The following MGAT4C variants were observed in gnomAD, a reference collection of about 807,000 sequenced individuals.
MGAT4C encodes the protein alpha-1,3-mannosyl-glycoprotein 4-beta-N-acetylglucosaminyltransferase C.
A neutral mutation model predicts 40.1 loss-of-function variants in MGAT4C; 19 were observed. The observed-to-expected ratio is 0.47, with a 90% CI of 0.33 to 0.70. The LOEUF is 0.70. Ranked by LOEUF, MGAT4C falls within the 30% of genes least tolerant of loss-of-function variation. The pLI, the probability that MGAT4C is intolerant of heterozygous loss-of-function variation, is 0.02. For synonymous variants in MGAT4C, 181 were observed against 187.1 expected (o/e 0.97, Z 0.27); for missense variants, 491 against 563.2 (o/e 0.87, Z 1.30).
intron 1 of MGAT4C, among the ~76,000 whole-genome samples, chr12:86,072,601 G>T (rs1204379218): frequency 6.6e-6 from 1 of 152,100 alleles, no homozygotes; most frequent in Admixed American, 6.6e-5. Context: ...GCAAAGGATA[G>T]ATGAAAGGAT....
At chr12:86,000,967 T>G (rs1887228049) in intron 2 of MGAT4C, among the ~76,000 whole-genome samples, 1 of 152,186 alleles carries the variant, frequency 6.6e-6, no homozygotes, top group African/African-American at 2.4e-5. Context: ...ATCACTAGTT[T>G]GGATTATTCC....
intron 3 of MGAT4C, among the ~76,000 whole-genome samples, chr12:86,353,595 T>C (rs1955229847): frequency 6.6e-6 from 1 of 152,148 alleles, no homozygotes; most frequent in Non-Finnish European, 1.5e-5. Flanking sequence ...CTTTTTACTC[T>C]CCAAGGTCTG....
chr12:86,554,918 C>T (rs1959537003), intron 2 of MGAT4C, among the ~76,000 whole-genome samples: 1 of 152,086 alleles, frequency 6.6e-6, no homozygotes, highest in Non-Finnish European at 1.5e-5. Context: ...CATTTCTTTG[C>T]TTTTTCCTGC....
At chr12:86,011,023 A>G (rs879552778) in intron 2 of MGAT4C, among the ~76,000 whole-genome samples, 7 of 152,216 alleles carry the variant, frequency 4.6e-5, no homozygotes, top group Non-Finnish European at 8.8e-5. Flanking sequence ...CCCAGACTTC[A>G]GAACTGTAGA....
At chr12:86,032,533 CAT>C (rs1555209778) in intron 2 of MGAT4C, among the ~76,000 whole-genome samples, 6 of 149,640 alleles carry the variant, frequency 4.0e-5, no homozygotes, top group Non-Finnish European at 9.0e-5. Context: ...AGCATTTTTT[CAT>C]ATGTTTGTTG....
At chr12:86,045,376 A>ACTG (rs1216596007) in intron 2 of MGAT4C, among the ~76,000 whole-genome samples, 1 of 152,150 alleles carries the variant, frequency 6.6e-6, no homozygotes, top group Admixed American at 6.6e-5. Flanking sequence ...TTCACATTTT[A>ACTG]CTGCTGAACC....
chr12:86,790,077 C>T (rs1211730738), intron 1 of MGAT4C, among the ~76,000 whole-genome samples: 1 of 152,100 alleles, frequency 6.6e-6, no homozygotes, highest in East Asian at 1.9e-4. Flanking sequence ...AATGCTATCA[C>T]AGAAAATGCA....
intron 2 of MGAT4C, among the ~76,000 whole-genome samples, chr12:86,626,970 G>A (rs933388862): frequency 6.6e-6 from 1 of 152,194 alleles, no homozygotes; most frequent in Non-Finnish European, 1.5e-5. Context: ...CCTAGCCAAG[G>A]GAAGCCGTGA....
At chr12:86,502,434 C>T (rs927442647) in intron 2 of MGAT4C, among the ~76,000 whole-genome samples, 3 of 151,726 alleles carry the variant, frequency 2.0e-5, no homozygotes, top group African/African-American at 7.3e-5. Flanking sequence ...AGATACATAA[C>T]ATTATACAGT....
intron 2 of MGAT4C, among the ~76,000 whole-genome samples, chr12:86,551,878 C>T (rs1006619746): frequency 6.6e-5 from 10 of 152,054 alleles, no homozygotes; most frequent in African/African-American, 2.4e-4. Flanking sequence ...TTGTGTCCAA[C>T]TAGAACCAAA....
At chr12:86,638,262 C>T (rs1005276525) in intron 2 of MGAT4C, among the ~76,000 whole-genome samples, 1 of 151,794 alleles carries the variant, frequency 6.6e-6, no homozygotes, top group East Asian at 1.9e-4. Context: ...AATTTAATTG[C>T]TTTTGAGGAG....
chr12:86,023,283 G>A (rs1393068563), intron 2 of MGAT4C, among the ~76,000 whole-genome samples: 2 of 151,792 alleles, frequency 1.3e-5, no homozygotes, highest in African/African-American at 2.4e-5. Flanking sequence ...GGTATGTAAG[G>A]TCTTCAGAAA....
chr12:86,587,195 T>C (rs1006799730), intron 2 of MGAT4C, among the ~76,000 whole-genome samples: 1 of 151,932 alleles, frequency 6.6e-6, no homozygotes, highest in African/African-American at 2.4e-5. Flanking sequence ...CCCAGCACCA[T>C]TTATTAAATA....
intron 4 of MGAT4C, among the ~76,000 whole-genome samples, chr12:86,308,893 A>G (rs1954004995): frequency 6.6e-6 from 1 of 150,622 alleles, no homozygotes; most frequent in Non-Finnish European, 1.5e-5. Flanking sequence ...TTTTGGGAGA[A>G]GGGACTTGTC....
At chr12:86,270,272 T>A (rs920807713) in intron 4 of MGAT4C, among the ~76,000 whole-genome samples, 1 of 151,842 alleles carries the variant, frequency 6.6e-6, no homozygotes, top group African/African-American at 2.4e-5. Flanking sequence ...GTTTCATCTC[T>A]ACTAAAAAAT....
intron 1 of MGAT4C, among the ~76,000 whole-genome samples, chr12:86,116,784 C>T (rs906739478): frequency 3.9e-5 from 6 of 152,056 alleles, no homozygotes; most frequent in Admixed American, 2.0e-4. Context: ...AGGTAATACT[C>T]ACGATAACAT....
intron 4 of MGAT4C, among the ~76,000 whole-genome samples, chr12:86,327,786 C>G (rs1954560968): frequency 6.6e-6 from 1 of 152,248 alleles, no homozygotes; most frequent in East Asian, 1.9e-4. Context: ...GTTTTCTCCA[C>G]TCTACTCCAT....
At position 86,749,932 on chromosome 12, in the gene MGAT4C, G is replaced by A. The variant is rs145605910; in HGVS notation, c.-261-22691C>T. On this transcript the variant is annotated intron_variant, in intron 1 of 7. Transcript: ENST00000548651. ...TTAAGGTTTATTCAGTTTGATTATA[G>A]GAGCAACTTTGGTCACCTTGAATCT... Among the ~76,000 whole-genome samples, 1,514 of 151,790 alleles carry A rather than the reference G, an allele frequency of 1.0e-2. 9 individuals carry two copies. Among genetic ancestry groups the A allele is most frequent in the Middle Eastern group, 0.017 (5 of 294 alleles).
intron 4 of MGAT4C, among the ~76,000 whole-genome samples, chr12:86,305,511 T>A (rs1953914443): frequency 6.7e-6 from 1 of 150,308 alleles, no homozygotes; most frequent in Admixed American, 6.6e-5. Context: ...CCTATATTAT[T>A]TTTAACAAAT....
Sources: allele counts gnomAD v4.1 joint callset (sites outside exome capture counted in the v4.1 genomes callset), GRCh38; gene constraint gnomAD v4.1.1; transcripts MANE v1.5; gene names NCBI Gene and HGNC (gene_info 2026-07-23, HGNC 2026-07-21).